PLCB4: variants seen among roughly 807,000 people sequenced by gnomAD.
PLCB4 encodes the protein phospholipase C beta 4.
In PLCB4, 77 loss-of-function variants were observed where a neutral mutation model predicts 178.8. The observed-to-expected ratio is 0.43, with a 90% CI of 0.36 to 0.52. The LOEUF is 0.52. PLCB4 is among the 20% of genes least tolerant of loss of function. The pLI, the probability that PLCB4 is intolerant of heterozygous loss-of-function variation, is 0.00. For synonymous variants in PLCB4, 496 were observed against 490.8 expected, an observed-to-expected ratio of 1.01 and a Z score of -0.14; for missense variants, 1,024 against 1,453.4, an observed-to-expected ratio of 0.70 and a Z score of 4.80.
intron 2 of PLCB4, among the ~76,000 whole-genome samples, chr20:9,139,619 C>T (rs1249862693): frequency 3.3e-5 from 5 of 152,060 alleles, no homozygotes; most frequent in African/African-American, 4.8e-5. Context: ...ACTCCCAGTG[C>T]ATTCTGTCAA....
At chr20:9,191,161 A>T (rs980757594) in intron 2 of PLCB4, among the ~76,000 whole-genome samples, 6 of 152,134 alleles carry the variant, frequency 3.9e-5, no homozygotes, top group African/African-American at 1.2e-4. Context: ...AGTATTTTGC[A>T]TACAGTAGTA....
intron 30 of PLCB4, among the ~76,000 whole-genome samples, chr20:9,443,683 GCTC>G (rs2042240098): frequency 6.6e-6 from 1 of 152,088 alleles, no homozygotes; most frequent in East Asian, 1.9e-4. Flanking sequence ...CCTCTGCCCT[GCTC>G]CACTTCTTTC....
chr20:9,276,517 A>G (rs1360351628), intron 3 of PLCB4, among the ~76,000 whole-genome samples: 2 of 151,918 alleles, frequency 1.3e-5, no homozygotes, highest in Non-Finnish European at 2.9e-5. Context: ...GTACATTTTT[A>G]TATGTTTTAT....
intron 7 of PLCB4, among the ~76,000 whole-genome samples, chr20:9,355,754 CAT>C (rs1264154094): frequency 6.6e-6 from 1 of 151,976 alleles, no homozygotes; most frequent in African/African-American, 2.4e-5. Flanking sequence ...CCGCAATAAA[CAT>C]ATGTGTGCAT....
chr20:9,434,607 C>G (rs1355749791), intron 28 of PLCB4, among the ~76,000 whole-genome samples: 4 of 152,122 alleles, frequency 2.6e-5, no homozygotes, highest in Non-Finnish European at 4.4e-5. Flanking sequence ...AACTCGTGAC[C>G]TCAGGTGATC....
chr20:9,242,553 A>C lies in PLCB4; in HGVS notation c.-16+25101A>C, dbSNP rs79621658. 2.6e-3 allele frequency among the ~76,000 whole-genome samples: 397 copies of C among 152,326 alleles called. 1 individual carries two copies. Among genetic ancestry groups the C allele is most frequent in the African/African-American group, 9.2e-3 (381 of 41,580 alleles). The stretch of plus-strand genomic sequence containing the variant: ...GCAATGGCTGGACCTTCTTAAATTT[A>C]GGCATTTTCTGATTTACTAATAGGG... On this transcript the variant is annotated intron_variant, in intron 3 of 39. Transcript: ENST00000378473.
intron 10 of PLCB4, among the ~76,000 whole-genome samples, chr20:9,371,928 A>G (rs2036285123): frequency 6.6e-6 from 1 of 152,234 alleles, no homozygotes; most frequent in Non-Finnish European, 1.5e-5. Context: ...AATTCACAAA[A>G]TAAGCATAAT....
At chr20:9,326,271 T>C (rs1452576488) in intron 4 of PLCB4, among the ~76,000 whole-genome samples, 1 of 152,182 alleles carries the variant, frequency 6.6e-6, no homozygotes, top group Admixed American at 6.5e-5. Flanking sequence ...CTTTGTTTCT[T>C]TTCAATAGCC....
intron 34 of PLCB4, among the ~76,000 whole-genome samples, chr20:9,458,994 A>G (rs963177428): frequency 3.9e-5 from 6 of 152,210 alleles, no homozygotes; most frequent in South Asian, 2.1e-4. Flanking sequence ...CTGGAGAAAC[A>G]TAAGGTGATA....
At chr20:9,073,266 G>GAGACCAC (rs2089660882) in intron 1 of PLCB4, among the ~76,000 whole-genome samples, 1 of 152,176 alleles carries the variant, frequency 6.6e-6, no homozygotes, top group South Asian at 2.1e-4. Context: ...CCAGAGATCA[G>GAGACCAC]AGACCACAGA....
At chr20:9,323,240 C>T (rs1161163430) in intron 4 of PLCB4, among the ~76,000 whole-genome samples, 3 of 152,226 alleles carry the variant, frequency 2.0e-5, no homozygotes, top group Non-Finnish European at 1.5e-5. Flanking sequence ...TCATGGTTCA[C>T]TTCCTCACTT....
chr20:9,419,914 G>A lies in PLCB4; in HGVS notation c.2154+5G>A, dbSNP rs1024512750. 2 of 1,562,788 alleles carry A rather than the reference G, an allele frequency of 1.3e-6. No homozygotes were observed. Among genetic ancestry groups the A allele is most frequent in the African/African-American group, 2.7e-5 (2 of 73,800 alleles). ...GCAGCCACTTGCTCAGTGCAGGTAA[G>A]GCCCCTGCTCATCACAAGGTAGTAT... On this transcript the variant is annotated splice_donor_5th_base_variant and intron_variant, in intron 26 of 39. Transcript: ENST00000378473.
intron 13 of PLCB4, among the ~76,000 whole-genome samples, chr20:9,381,360 T>C (rs1473068849): frequency 1.3e-5 from 2 of 152,184 alleles, no homozygotes; most frequent in Non-Finnish European, 2.9e-5. Flanking sequence ...TGCAGTAATT[T>C]GGCTAGTATT....
intron 36 of PLCB4, among the ~76,000 whole-genome samples, chr20:9,470,347 G>GA (rs1300506447): frequency 2.0e-5 from 3 of 151,200 alleles, no homozygotes; most frequent in Non-Finnish European, 3.0e-5. Flanking sequence ...AAAAAGAAAA[G>GA]AAAAAATGTC....
At chr20:9,218,434 A>G (rs2093758026) in intron 3 of PLCB4, among the ~76,000 whole-genome samples, 1 of 152,178 alleles carries the variant, frequency 6.6e-6, no homozygotes, top group Non-Finnish European at 1.5e-5. Flanking sequence ...TGCTGTTACA[A>G]GTAAAGCATT....
intron 3 of PLCB4, among the ~76,000 whole-genome samples, chr20:9,232,466 C>T (rs1601332815): frequency 6.6e-6 from 1 of 152,064 alleles, no homozygotes; most frequent in African/African-American, 2.4e-5. Context: ...TTGTTGAAAA[C>T]AGTGGGCAGG....
intron 3 of PLCB4, among the ~76,000 whole-genome samples, chr20:9,240,695 T>C (rs1213571252): frequency 6.6e-6 from 1 of 152,192 alleles, no homozygotes; most frequent in African/African-American, 2.4e-5. Flanking sequence ...GTCCTTGCTT[T>C]TTTGTCTTTA....
At chr20:9,127,242 G>C (rs1476515333) in intron 2 of PLCB4, among the ~76,000 whole-genome samples, 1 of 152,122 alleles carries the variant, frequency 6.6e-6, no homozygotes, top group East Asian at 1.9e-4. Context: ...AGGTCCGGGA[G>C]CCTGAGACTC....
intron 2 of PLCB4, among the ~76,000 whole-genome samples, chr20:9,116,682 C>G (rs888895432): frequency 5.9e-5 from 9 of 151,966 alleles, no homozygotes; most frequent in Non-Finnish European, 1.3e-4. Flanking sequence ...GGCCCCTTTA[C>G]CCTTCAAATA....
Sources: allele counts gnomAD v4.1 joint callset (sites outside exome capture counted in the v4.1 genomes callset), GRCh38; gene constraint gnomAD v4.1.1; transcripts MANE v1.5; gene names NCBI Gene and HGNC (gene_info 2026-07-23, HGNC 2026-07-21).